The following CSPG4 variants were observed in gnomAD, a reference collection of about 807,000 sequenced individuals.
CSPG4 encodes the protein chondroitin sulfate proteoglycan 4 (melanoma-associated).
A neutral mutation model predicts 139.3 loss-of-function variants in CSPG4; 74 were observed. The ratio of observed to expected loss-of-function variants is 0.53; its 90% CI spans 0.44 to 0.64. The LOEUF is 0.64. CSPG4 is among the 30% of genes least tolerant of loss of function. The probability of loss-of-function intolerance (pLI) is 0.00; values close to 1 mark genes in which losing one functional copy is unlikely to be tolerated. For synonymous variants in CSPG4, 1,234 were observed against 1,394.2 expected, an observed-to-expected ratio of 0.89 and a Z score of 2.56; for missense variants, 2,565 against 3,148.3, an observed-to-expected ratio of 0.81 and a Z score of 4.43.
intron 1 of CSPG4, among the ~76,000 whole-genome samples, chr15:75,707,481 A>T (rs900588735): frequency 1.3e-5 from 2 of 152,342 alleles, no homozygotes; most frequent in East Asian, 3.9e-4. Flanking sequence ...AACATTTCAG[A>T]TAAGGGACAC....
In CSPG4 at chr15:75,689,982, A is replaced by G. The variant is rs1377002354; in HGVS notation, c.1083T>C (p.Asn361=). 5.0e-6 allele frequency: 8 copies of G among 1,611,982 alleles called. No individual in the cohort carries two copies. Among genetic ancestry groups the G allele is most frequent in the African/African-American group, 1.3e-5 (1 of 74,906 alleles). The change falls in exon 3 of 10, where the codon AAT becomes AAC. Residue 361 remains asparagine (N), a synonymous_variant. Transcript: ENST00000308508. ...LLGCMEDLSV[N]GQRRGLREAL... ...CTTCCCGCAGCCCCCGCCTCTGGCC[A>G]TTGACACTGAGGTCTTCCATGCAGC...
In CSPG4 at chr15:75,689,417, T is replaced by C; in HGVS notation, c.1648A>G (p.Asn550Asp). ...YLLPIQVNPV[N>D]DPPHIIFPHG... ...GGGAAGATGATGTGGGGTGGGTCAT[T>C]GACAGGGTTGACCTGGATGGGCAGG... Residue 550 changes from asparagine (N) to aspartate (D), a missense_variant, in exon 3 of 10, where the codon AAT becomes GAT. Physicochemically the swap from Asn to Asp is conservative, Grantham distance 23. This residue lies in a region of CSPG4 where 2,316 missense variants were observed against 2,818.2 expected (regional missense o/e 0.82). Coordinates refer to ENST00000308508, the MANE Select transcript of CSPG4 (RefSeq NM_001897.5). 6.2e-7 allele frequency: 1 copy of C among 1,612,600 alleles called. No homozygotes were observed. Among genetic ancestry groups the C allele is most frequent in the Non-Finnish European group, 8.5e-7 (1 of 1,179,804 alleles).
chr15:75,703,367 C>T (rs1275168389), intron 1 of CSPG4, among the ~76,000 whole-genome samples: 8 of 151,172 alleles, frequency 5.3e-5, no homozygotes, highest in Non-Finnish European at 7.4e-5. Flanking sequence ...AGACAGAAGC[C>T]GTGAGGGGAG....
At chr15:75,706,390 T>C (rs1894372636) in intron 1 of CSPG4, among the ~76,000 whole-genome samples, 1 of 151,546 alleles carries the variant, frequency 6.6e-6, no homozygotes, top group Non-Finnish European at 1.5e-5. Flanking sequence ...TGTGTGTGAG[T>C]GTGTATGTGT....
Position 75,689,822 on chromosome 15 carries a change from A to G in CSPG4, c.1243T>C (p.Cys415Arg), listed in dbSNP as rs1177622524. 2.5e-6 allele frequency: 4 copies of G among 1,612,752 alleles called. No individual in the cohort carries two copies. Among genetic ancestry groups the G allele is most frequent in the African/African-American group, 1.3e-5 (1 of 75,068 alleles). The change falls in exon 3 of 10, where the codon TGC (cysteine) becomes CGC (arginine). Residue 415 changes from cysteine (C) to arginine (R), a missense_variant. Cys to Arg is a radical substitution (Grantham distance 180, BLOSUM62 -3). This residue lies in a region of CSPG4 where 2,316 missense variants were observed against 2,818.2 expected (regional missense o/e 0.82). Transcript: ENST00000308508. ...GGAGGCAGCCCTGGCTCAGGCACGC[A>G]TGGCTCAGGCAGCTCCATGGCTGGC... ...AWPAMELPEPCVPEPGLPPVF... is the reference protein window; with the variant it reads ...AWPAMELPEPRVPEPGLPPVF...
intron 1 of CSPG4, among the ~76,000 whole-genome samples, chr15:75,707,119 G>A (rs1394266015): frequency 6.6e-6 from 1 of 152,018 alleles, no homozygotes; most frequent in Non-Finnish European, 1.5e-5. Context: ...AGCACGCCCA[G>A]CTAATTTTTG....
Position 75,676,619 on chromosome 15 carries a change from C to T in CSPG4, c.5900G>A (p.Arg1967Gln), listed in dbSNP as rs201971922. Reference sequence around the variant, plus strand: ...TGGCTCCTCCCGATCTGAAACCACCCGGAGCTGCTGCTGGCTCAGTGAGGA... The same window carrying T: ...TGGCTCCTCCCGATCTGAAACCACCTGGAGCTGCTGCTGGCTCAGTGAGGA... ...GRSSLSQQQL[R>Q]VVSDREEPEA... The change falls in exon 10 of 10, where the codon CGG (arginine) becomes CAG (glutamine). Residue 1967 changes from arginine (R) to glutamine (Q), a missense_variant. Arg to Gln is a conservative substitution (Grantham distance 43, BLOSUM62 1). Around this residue, in one of 5 missense-constraint regions of CSPG4, gnomAD observed 2,316 missense variants for 2,818.2 expected, o/e 0.82. Transcript: ENST00000308508. 181 of 1,607,072 alleles carry T rather than the reference C, an allele frequency of 1.1e-4. No homozygotes were observed. Among genetic ancestry groups the T allele is most frequent in the East Asian group, 8.1e-4 (36 of 44,708 alleles).
chr15:75,689,870 A>G lies in CSPG4; in HGVS notation c.1195T>C (p.Ser399Pro), dbSNP rs769839939. The G allele has an allele frequency of 2.5e-6, 4 of 1,612,298 alleles. No homozygotes were observed. The highest frequency in any genetic ancestry group is 3.4e-6 in the Non-Finnish European group (4 of 1,179,492). ...GGCCAAGCCTCAGGGGCCAGGGTGG[A>G]GAAAGCTTCATAATGTCCATAGGCA... The part of the protein sequence containing the change: ...DDAYGHYEAF[S>P]TLAPEAWPAM... Residue 399 changes from serine (S) to proline (P), a missense_variant, in exon 3 of 10, where the codon TCC (serine) becomes CCC (proline). Ser to Pro is a moderately conservative substitution (Grantham distance 74, BLOSUM62 -1). This residue lies in a region of CSPG4 where 2,316 missense variants were observed against 2,818.2 expected (regional missense o/e 0.82). Coordinates refer to ENST00000308508, the MANE Select transcript of CSPG4 (RefSeq NM_001897.5).
intron 1 of CSPG4, among the ~76,000 whole-genome samples, chr15:75,708,735 T>C (rs958822215): frequency 2.6e-5 from 4 of 152,182 alleles, no homozygotes; most frequent in African/African-American, 4.8e-5. Context: ...ATCTGTAAAA[T>C]AGGACTGTTG....
At position 75,690,291 on chromosome 15, in the gene CSPG4, G is replaced by A. The variant is rs549929588; in HGVS notation, c.774C>T (p.Gly258=). ...GDFIYVDIFE[G]HLRAVVEKGQ... The stretch of plus-strand genomic sequence containing the variant: ...CCTTCTCCACCACGGCCCGCAGGTG[G>A]CCCTCAAATATGTCCACATAGATGA... Residue 258 remains glycine, a synonymous_variant, in exon 3 of 10, where the codon GGC becomes GGT. Coordinates refer to ENST00000308508, the MANE Select transcript of CSPG4 (RefSeq NM_001897.5). The A allele has an allele frequency of 1.1e-5, 18 of 1,613,106 alleles. No homozygotes were observed. Among genetic ancestry groups the A allele is most frequent in the Middle Eastern group, 3.3e-4 (2 of 6,048 alleles).
chr15:75,702,279 G>C lies in CSPG4; in HGVS notation c.89-9046C>G, dbSNP rs114811328. Among the ~76,000 whole-genome samples, 826 of 152,370 alleles carry C rather than the reference G, an allele frequency of 5.4e-3. 6 individuals are homozygous for C. Among genetic ancestry groups the C allele is most frequent in the African/African-American group, 0.018 (740 of 41,582 alleles). On this transcript the variant is annotated intron_variant, in intron 1 of 9. Coordinates refer to ENST00000308508, the MANE Select transcript of CSPG4 (RefSeq NM_001897.5). ...ACTGACTCCGTGCACACCTAGCAGGGCCGACCTGCTGCCTTCGCTCAGGCT... is the reference window on the plus strand; with the variant it reads ...ACTGACTCCGTGCACACCTAGCAGGCCCGACCTGCTGCCTTCGCTCAGGCT...
At chr15:75,708,580 G>A (rs1254024845) in intron 1 of CSPG4, among the ~76,000 whole-genome samples, 2 of 152,286 alleles carry the variant, frequency 1.3e-5, no homozygotes, top group Middle Eastern at 3.4e-3. Context: ...CCCCTGCTGG[G>A]GCCTGAGCCC....
In CSPG4 at chr15:75,698,695, C is replaced by G. The variant is rs1446033706; in HGVS notation, c.89-5462G>C. ...GGTCCCCTCCCCAGCACATTGGTCT[C>G]CCTGGGCTCCTCAGGCAAGGGAGAA... On this transcript the variant is annotated intron_variant, in intron 1 of 9. Coordinates refer to ENST00000308508, the MANE Select transcript of CSPG4 (RefSeq NM_001897.5). This position sits in a 1 kb window ranked among gnomAD's most constrained non-coding sequence, Gnocchi z 4.3. Among the ~76,000 whole-genome samples, 1 of 152,050 alleles carries G rather than the reference C, an allele frequency of 6.6e-6. No individual in the cohort carries two copies. The highest frequency in any genetic ancestry group is 1.5e-5 in the Non-Finnish European group (1 of 67,976).
At chr15:75,678,837 G>A (rs929038988) in intron 8 of CSPG4, 5 of 455,462 alleles carry the variant, frequency 1.1e-5, no homozygotes, top group African/African-American at 4.0e-5. Context: ...AGAGGCCTCC[G>A]TGTTGTTGGA....
In CSPG4 at chr15:75,688,094, G is replaced by A. The variant is rs758424768; in HGVS notation, c.2971C>T (p.Gln991Ter). 6.2e-7 allele frequency: 1 copy of A among 1,612,862 alleles called. No individual in the cohort carries two copies. Among genetic ancestry groups the A allele is most frequent in the Non-Finnish European group, 8.5e-7 (1 of 1,179,878 alleles). ...EDDIPFVATR[Q>*]GESSGDMAWE... is the part of the protein sequence containing the mutation. ...GCCATGTCACCACTGCTCTCGCCCT[G>A]GCGGGTAGCAACAAATGGGATATCA... The change falls in exon 3 of 10, where the codon CAG (glutamine) becomes TAG (stop). Residue 991 changes from glutamine (Q) to a stop codon, truncating the protein, a stop_gained. Coordinates refer to ENST00000308508, the MANE Select transcript of CSPG4 (RefSeq NM_001897.5). LOFTEE classifies it high-confidence loss of function.
rs1393157767 is a variant in CSPG4 at position 75,687,601 on chromosome 15, T to C, written c.3464A>G (p.Asn1155Ser). The change falls in exon 3 of 10, where the codon AAC becomes AGC. Residue 1155 changes from asparagine (N) to serine (S), a missense_variant. Asn to Ser is a conservative substitution (Grantham distance 46, BLOSUM62 1). This residue lies in a region of CSPG4 where 2,316 missense variants were observed against 2,818.2 expected (regional missense o/e 0.82). Transcript: ENST00000308508. This position sits in a 1 kb window ranked among gnomAD's most constrained non-coding sequence, Gnocchi z 5.4. ...CTCATCCCCACTGCGGATGTCGAGG[T>C]TGGTGTCCAGGTGGAGCACGGCCGT... The part of the protein sequence containing the change: ...IDTAVLHLDT[N>S]LDIRSGDEVH... 1 of 1,611,378 alleles carries C rather than the reference T, an allele frequency of 6.2e-7. No individual in the cohort carries two copies. Among genetic ancestry groups the C allele is most frequent in the Admixed American group, 1.7e-5 (1 of 59,944 alleles).
intron 8 of CSPG4, among the ~76,000 whole-genome samples, chr15:75,681,996 C>T (rs1221022087): frequency 1.3e-5 from 2 of 152,280 alleles, no homozygotes; most frequent in East Asian, 3.9e-4. Flanking sequence ...CTCTCCAGAC[C>T]CTCGGGTCCG....
At position 75,676,385 on chromosome 15, in the gene CSPG4, G is replaced by A. The variant is rs759736933; in HGVS notation, c.6134C>T (p.Ala2045Val). 3 of 1,613,452 alleles carry A rather than the reference G, an allele frequency of 1.9e-6. No homozygotes were observed. The highest frequency in any genetic ancestry group is 2.5e-6 in the Non-Finnish European group (3 of 1,180,048). Residue 2045 changes from alanine (A) to valine (V), a missense_variant, in exon 10 of 10, where the codon GCT (alanine) becomes GTT (valine). Physicochemically the swap from Ala to Val is moderately conservative, Grantham distance 64. Transcript: ENST00000308508. ...ASAVVNVTVR[A>V]LLHVWAGGPW... ...CCCACCTGCCCACACATGCAGCAGA[G>A]CCCTCACAGTGACGTTCACTACGGC...
rs1346862029 is a variant in CSPG4, at chr15:75,689,419, A to G, written c.1646T>C (p.Val549Ala). Residue 549 changes from valine to alanine, a missense_variant, in exon 3 of 10, where the codon GTC (valine) becomes GCC (alanine). Val to Ala is a moderately conservative substitution (Grantham distance 64, BLOSUM62 0). Around this residue, in one of 5 missense-constraint regions of CSPG4, gnomAD observed 2,316 missense variants for 2,818.2 expected, o/e 0.82. Transcript: ENST00000308508. Reference protein sequence around the residue: ...TYLLPIQVNPVNDPPHIIFPH... With the variant: ...TYLLPIQVNPANDPPHIIFPH... ...GAAGATGATGTGGGGTGGGTCATTG[A>G]CAGGGTTGACCTGGATGGGCAGGAG... is the stretch of plus-strand genomic sequence containing the variant. 2 of 1,612,690 alleles carry G rather than the reference A, an allele frequency of 1.2e-6. No homozygotes were observed. Among genetic ancestry groups the G allele is most frequent in the Admixed American group, 3.3e-5 (2 of 59,994 alleles).
Sources: allele counts gnomAD v4.1 joint callset (sites outside exome capture counted in the v4.1 genomes callset), GRCh38; gene constraint gnomAD v4.1.1; regional missense constraint gnomAD v4.1.1; non-coding constraint Gnocchi (gnomAD v3.1); transcripts MANE v1.5; gene names NCBI Gene and HGNC (gene_info 2026-07-23, HGNC 2026-07-21).